Variants in AMZ2 observed in about 807,000 individuals in gnomAD.
AMZ2 encodes the protein archaelysin family metallopeptidase 2.
AMZ2 carries 26 observed loss-of-function variants against 36.7 expected under a neutral mutation model. The observed-to-expected ratio is 0.71, with a 90% CI of 0.52 to 0.98. The LOEUF (loss-of-function observed/expected upper bound fraction) is 0.98, where lower values mean the gene tolerates loss of function less well. AMZ2 is among the 50% of genes least tolerant of loss of function. The pLI, the probability that AMZ2 is intolerant of heterozygous loss-of-function variation, is 0.00. For missense variants in AMZ2, 394 were observed against 430.5 expected, an observed-to-expected ratio of 0.92 and a Z score of 0.75; for synonymous variants, 144 against 149.1, an observed-to-expected ratio of 0.97 and a Z score of 0.25.
At chr17:68,223,896 A>AT (rs1350328244) in intron 1 of AMZ2, among the ~76,000 whole-genome samples, 10 of 101,766 alleles carry the variant, frequency 9.8e-5, no homozygotes, top group African/African-American at 1.2e-4. Flanking sequence ...ATATATATAT[A>AT]TATTTTTTTT....
chr17:68,230,063 T>G (rs1478931375), intron 1 of AMZ2, among the ~76,000 whole-genome samples: 1 of 152,062 alleles, frequency 6.6e-6, no homozygotes, highest in Non-Finnish European at 1.5e-5. Context: ...TGTCCTGTTT[T>G]TTTTGTTTTG....
At chr17:68,206,746 A>C (rs2072846729) in intron 1 of AMZ2, 1 of 152,252 alleles carries the variant, frequency 6.6e-6, no homozygotes, top group South Asian at 2.1e-4. Flanking sequence ...AACACACACA[A>C]AAACATGTCT....
At chr17:68,223,387 G>A (rs1256027981) in intron 1 of AMZ2, among the ~76,000 whole-genome samples, 1 of 152,042 alleles carries the variant, frequency 6.6e-6, no homozygotes, top group Non-Finnish European at 1.5e-5. Context: ...GCCCTGCGGG[G>A]CAGCGCTTTC....
At chr17:68,220,845 C>T (rs1257617454) in intron 1 of AMZ2, among the ~76,000 whole-genome samples, 10 of 144,314 alleles carry the variant, frequency 6.9e-5, no homozygotes, top group Non-Finnish European at 3.0e-5. Flanking sequence ...TGCAGTGGTG[C>T]GATCTCGGCT....
At chr17:68,218,774 C>T (rs1166667334) in intron 1 of AMZ2, among the ~76,000 whole-genome samples, 4 of 152,166 alleles carry the variant, frequency 2.6e-5, no homozygotes, top group African/African-American at 7.2e-5. Flanking sequence ...GTGTTCTCAT[C>T]TTAGTAAATG....
chr17:68,217,281 G>A (rs1427282750), intron 1 of AMZ2, among the ~76,000 whole-genome samples: 5 of 152,194 alleles, frequency 3.3e-5, no homozygotes, highest in African/African-American at 1.2e-4. Context: ...CAAATATTCT[G>A]TTTTTCTTAG....
Position 68,250,933 on chromosome 17 carries a change from C to A in AMZ2, c.423C>A (p.Val141=). 6.2e-7 allele frequency: 1 copy of A among 1,611,386 alleles called. No individual in the cohort carries two copies. The highest frequency in any genetic ancestry group is 1.1e-5 in the South Asian group (1 of 89,980). Residue 141 remains valine, a synonymous_variant, in exon 3 of 7, where the codon GTC becomes GTA. Transcript: ENST00000359904. The stretch of plus-strand genomic sequence containing the variant: ...CTGTAACAAGATGTTCCTTTAGAGT[C>A]AATGAGAACACACACAACCTACAAA... ...PVSVTRCSFR[V]NENTHNLQIH...
chr17:68,212,859 C>T (rs1236578760), intron 1 of AMZ2, among the ~76,000 whole-genome samples: 1 of 152,140 alleles, frequency 6.6e-6, no homozygotes, highest in Admixed American at 6.5e-5. Flanking sequence ...TGAGCCATCG[C>T]ACCTGGCCAA....
chr17:68,228,080 G>A (rs150309331), intron 1 of AMZ2, among the ~76,000 whole-genome samples: 1 of 152,200 alleles, frequency 6.6e-6, no homozygotes, highest in African/African-American at 2.4e-5. Context: ...GTGGAGTTGT[G>A]CCCTTGTCTC....
intron 1 of AMZ2, among the ~76,000 whole-genome samples, chr17:68,217,972 C>G (rs1437033046): frequency 2.0e-5 from 3 of 152,016 alleles, no homozygotes; most frequent in African/African-American, 7.2e-5. Context: ...GCCATCACGC[C>G]CACCTAATTT....
intron 1 of AMZ2, among the ~76,000 whole-genome samples, chr17:68,228,348 G>A (rs2073569398): frequency 6.6e-6 from 1 of 152,188 alleles, no homozygotes; most frequent in Non-Finnish European, 1.5e-5. Flanking sequence ...AGATGGAGCT[G>A]AGCCCTAGAG....
rs552003563 is a variant in AMZ2 at position 68,217,266 on chromosome 17, G to A, written c.-67+11028G>A. On this transcript the variant is annotated intron_variant, in intron 1 of 7. Coordinates refer to the AMZ2 transcript ENST00000674770. ...GGTGAATTTTTGATACATTGTCGAG[G>A]AAATCAAATATTCTGTTTTTCTTAG... Among the ~76,000 whole-genome samples, 8 of 152,194 alleles carry A rather than the reference G, an allele frequency of 5.3e-5. No individual in the cohort carries two copies. In the South Asian group the frequency reaches 1.2e-3, roughly 24 times the overall value.
upstream of AMZ2, chr17:68,247,922 C>A: frequency 1.0e-6 from 1 of 985,538 alleles, no homozygotes; most frequent in Non-Finnish European, 1.2e-6. Context: ...CCCAGGCGGC[C>A]GCACGCTCAG....
chr17:68,236,563 A>AT (rs2073792623), intron 1 of AMZ2, among the ~76,000 whole-genome samples: 1 of 145,506 alleles, frequency 6.9e-6, no homozygotes, highest in African/African-American at 2.5e-5. Context: ...TTTGGCAAAC[A>AT]TCCTTTTTTT....
upstream of AMZ2, among the ~76,000 whole-genome samples, chr17:68,245,245 A>G (rs1568366183): frequency 6.7e-6 from 1 of 149,024 alleles, no homozygotes; most frequent in Non-Finnish European, 1.5e-5. Context: ...TAAGGTGTTT[A>G]TTTGTTTATT....
chr17:68,226,265 A>G (rs1599323153), intron 1 of AMZ2, among the ~76,000 whole-genome samples: 1 of 152,168 alleles, frequency 6.6e-6, no homozygotes. Context: ...AGACCTGCCT[A>G]CTATGTACAT....
intron 1 of AMZ2, among the ~76,000 whole-genome samples, chr17:68,237,391 T>A (rs2073813078): frequency 6.6e-6 from 1 of 152,254 alleles, no homozygotes; most frequent in African/African-American, 2.4e-5. Flanking sequence ...TTCGTTACGC[T>A]GATGCAAGTT....
intron 1 of AMZ2, among the ~76,000 whole-genome samples, chr17:68,230,753 CT>C (rs1432041498): frequency 6.6e-6 from 1 of 152,156 alleles, no homozygotes; most frequent in Non-Finnish European, 1.5e-5. Context: ...CTGCTTACCC[CT>C]TCCTCACCAA....
At chr17:68,208,577 A>T (rs782071397) in intron 1 of AMZ2, among the ~76,000 whole-genome samples, 1 of 151,406 alleles carries the variant, frequency 6.6e-6, no homozygotes, top group East Asian at 1.9e-4. Context: ...GCCTGATAAG[A>T]ATAAAAGCAG....
Sources: allele counts gnomAD v4.1 joint callset (sites outside exome capture counted in the v4.1 genomes callset), GRCh38; gene constraint gnomAD v4.1.1; transcripts MANE v1.5; gene names NCBI Gene and HGNC (gene_info 2026-07-23, HGNC 2026-07-21).